Variants in PKHD1 observed in about 807,000 individuals in gnomAD.
PKHD1 encodes the protein fibrocystin.
In PKHD1, 291 loss-of-function variants were observed where a neutral mutation model predicts 412.0. The ratio of observed to expected loss-of-function variants is 0.71; its 90% CI spans 0.64 to 0.78. PKHD1 has a LOEUF of 0.78. Ranked by LOEUF, PKHD1 falls within the 30% of genes least tolerant of loss-of-function variation. The pLI is 0.00. For synonymous variants in PKHD1, 1,777 were observed against 1,821.5 expected (o/e 0.98, Z 0.62); for missense variants, 4,825 against 4,950.7 (o/e 0.97, Z 0.76).
chr6:51,679,789 A>G (rs1400944136), intron 60 of PKHD1, among the ~76,000 whole-genome samples: 1 of 152,046 alleles, frequency 6.6e-6, no homozygotes, highest in African/African-American at 2.4e-5. Context: ...GGAACAAAAA[A>G]TCTCTACACA....
In PKHD1 at chr6:51,843,554, C is replaced by T. The variant is rs138611926; in HGVS notation, c.8107+4221G>A. On this transcript the variant is annotated intron_variant, in intron 50 of 66. Coordinates refer to ENST00000371117, the MANE Select transcript of PKHD1 (RefSeq NM_138694.4). ...AAGGCAAAGACATGAGCAGTCAGGG[C>T]ATCAAATCGCATGAAGGGAAAAATG... 5.0e-4 allele frequency among the ~76,000 whole-genome samples: 76 copies of T among 152,320 alleles called. No individual in the cohort carries two copies. In the Middle Eastern group the frequency reaches 0.01, roughly 20 times the overall value.
intron 60 of PKHD1, among the ~76,000 whole-genome samples, chr6:51,671,877 G>A (rs371802929): frequency 6.6e-6 from 1 of 152,140 alleles, no homozygotes; most frequent in Non-Finnish European, 1.5e-5. Context: ...AGGGGTCAGG[G>A]ACCCACTTGA....
chr6:51,937,233 A>G (rs1787646045), intron 36 of PKHD1, among the ~76,000 whole-genome samples: 1 of 152,008 alleles, frequency 6.6e-6, no homozygotes. Flanking sequence ...GGAAGCCCCC[A>G]CTCCTACTTG....
At chr6:51,829,523 T>C (rs762037079) in intron 52 of PKHD1, among the ~76,000 whole-genome samples, 4 of 152,062 alleles carry the variant, frequency 2.6e-5, no homozygotes, top group Non-Finnish European at 5.9e-5. Flanking sequence ...ACAGAACAGA[T>C]TTTTCCTTTT....
At chr6:51,697,818 G>A (rs1349566087) in intron 60 of PKHD1, among the ~76,000 whole-genome samples, 1 of 152,162 alleles carries the variant, frequency 6.6e-6, no homozygotes, top group Non-Finnish European at 1.5e-5. Context: ...TGAGTAGGAT[G>A]CCCAAATTTC....
intron 13 of PKHD1, among the ~76,000 whole-genome samples, chr6:52,063,863 T>C (rs538401147): frequency 6.6e-6 from 1 of 152,334 alleles, no homozygotes; most frequent in African/African-American, 2.4e-5. Flanking sequence ...AAGCCCTTCA[T>C]AAAGGACAAC....
intron 35 of PKHD1, among the ~76,000 whole-genome samples, chr6:51,981,915 G>A (rs1795382185): frequency 2.2e-5 from 2 of 92,416 alleles, no homozygotes; most frequent in African/African-American, 6.0e-5. Flanking sequence ...GAAGTGAGGA[G>A]CGTCTCTGCC....
At chr6:51,823,569 A>G (rs1582889902) in intron 52 of PKHD1, among the ~76,000 whole-genome samples, 1 of 152,082 alleles carries the variant, frequency 6.6e-6, no homozygotes, top group Middle Eastern at 3.4e-3. Flanking sequence ...AGTGAGTTCT[A>G]ATTAGCCAGA....
At chr6:51,692,066 T>G (rs1778221025) in intron 60 of PKHD1, among the ~76,000 whole-genome samples, 1 of 152,118 alleles carries the variant, frequency 6.6e-6, no homozygotes. Context: ...TCCTCCCATT[T>G]CATACCTAAC....
chr6:52,007,961 C>T (rs1799305214), intron 35 of PKHD1, among the ~76,000 whole-genome samples: 1 of 152,176 alleles, frequency 6.6e-6, no homozygotes. Context: ...CCATAAATCC[C>T]TGCCATTGTT....
At chr6:51,758,014 AAGAGAGAGAGAGAGAGAGAG>A (rs10534219) in intron 55 of PKHD1, among the ~76,000 whole-genome samples, 5 of 126,128 alleles carry the variant, frequency 4.0e-5, no homozygotes, top group African/African-American at 6.7e-5. Context: ...ACCCTGCCAA[AAGAGAGAGAGAGAGAGAGAG>A]AGAGAGAGAG....
chr6:51,793,773 T>C (rs570276427), intron 52 of PKHD1, among the ~76,000 whole-genome samples: 2 of 152,196 alleles, frequency 1.3e-5, no homozygotes, highest in Non-Finnish European at 2.9e-5. Context: ...CAGTCTATCA[T>C]TGATGGACAT....
At chr6:51,782,996 T>TC (rs1253379490) in intron 53 of PKHD1, among the ~76,000 whole-genome samples, 3 of 152,194 alleles carry the variant, frequency 2.0e-5, no homozygotes, top group Admixed American at 2.0e-4. Context: ...GAAAGAAACT[T>TC]CCATATACCT....
chr6:51,847,428 A>C (rs1355101596), intron 50 of PKHD1, among the ~76,000 whole-genome samples: 1 of 152,120 alleles, frequency 6.6e-6, no homozygotes, highest in Non-Finnish European at 1.5e-5. Flanking sequence ...ATTAGTACTA[A>C]CTACCAATGT....
chr6:51,837,773 C>T (rs959768692), intron 50 of PKHD1, among the ~76,000 whole-genome samples: 1 of 151,840 alleles, frequency 6.6e-6, no homozygotes, highest in African/African-American at 2.4e-5. Context: ...GAAAATGATC[C>T]CCAAAGAGAT....
Position 52,007,872 on chromosome 6 carries a change from G to T in PKHD1, c.5751+2437C>A, listed in dbSNP as rs566659670. ...CATATTGATCCAGTCGATGCGACAG[G>T]ACGTGTGCCTGAGACTCTTGTTCTA... On this transcript the variant is annotated intron_variant, in intron 35 of 66. Transcript: ENST00000371117. Among the ~76,000 whole-genome samples, 3 of 151,232 alleles carry T rather than the reference G, an allele frequency of 2.0e-5. No homozygotes were observed. The South Asian group carries it at 6.3e-4, about 32-fold the overall frequency.
At position 52,007,498 on chromosome 6, in the gene PKHD1, C is replaced by A. The variant is rs145163828; in HGVS notation, c.5751+2811G>T. Among the ~76,000 whole-genome samples, 85 of 152,264 alleles carry A rather than the reference C, an allele frequency of 5.6e-4. No individual in the cohort carries two copies. The East Asian group carries it at 0.016, about 29-fold the overall frequency. On this transcript the variant is annotated intron_variant, in intron 35 of 66. Coordinates refer to ENST00000371117, the MANE Select transcript of PKHD1 (RefSeq NM_138694.4). The stretch of plus-strand genomic sequence containing the variant: ...AGGCCAAGGTAGGGAAATTGTACAT[C>A]CCAACATGGGTAGGGTAACCATGTA...
At position 51,659,848 on chromosome 6, in the gene PKHD1, C is replaced by A; in HGVS notation, c.10278G>T (p.Lys3426Asn). The A allele has an allele frequency of 6.2e-7, 1 of 1,613,826 alleles. No individual in the cohort carries two copies. The highest frequency in any genetic ancestry group is 8.5e-7 in the Non-Finnish European group (1 of 1,179,832). The change falls in exon 61 of 67, where the codon AAG (lysine) becomes AAT (asparagine). Residue 3426 changes from lysine (K) to asparagine (N), a missense_variant. By Grantham distance (94) the Lys-to-Asn change is moderately conservative. Coordinates refer to ENST00000371117, the MANE Select transcript of PKHD1 (RefSeq NM_138694.4). ...TAGTCACAGATACAACTGGATATAA[C>A]TTCTGAATTGCCCAAATGGCATCAG... ...DSADAIWAIQ[K>N]LYPVVSVTSG...
At chr6:51,962,468 T>C (rs149174471) in intron 35 of PKHD1, among the ~76,000 whole-genome samples, 1 of 152,144 alleles carries the variant, frequency 6.6e-6, no homozygotes, top group Non-Finnish European at 1.5e-5. Flanking sequence ...GCTTATGCCA[T>C]TTGCTGCCTT....
Sources: allele counts gnomAD v4.1 joint callset (sites outside exome capture counted in the v4.1 genomes callset), GRCh38; gene constraint gnomAD v4.1.1; transcripts MANE v1.5; gene names NCBI Gene and HGNC (gene_info 2026-07-23, HGNC 2026-07-21).